Variants in SFRP1 observed in about 807,000 individuals in gnomAD.
SFRP1 encodes the protein secreted frizzled-related protein 1.
Under a neutral mutation model 25.9 loss-of-function variants are expected in SFRP1, and 9 were observed. The observed-to-expected ratio is 0.35, with a 90% confidence interval of 0.21 to 0.61. SFRP1 has a LOEUF of 0.61. Among genes scored for constraint, SFRP1 ranks in the 20% least tolerant of loss-of-function variants. The pLI, the probability that SFRP1 is intolerant of heterozygous loss-of-function variation, is 0.78. For synonymous variants in SFRP1, 178 were observed against 174.0 expected (o/e 1.02, Z -0.18); for missense variants, 346 against 418.2 (o/e 0.83, Z 1.51).
Position 41,262,336 on chromosome 8 carries a change from C to T in SFRP1, c.*2831G>A, listed in dbSNP as rs1345804991. ...GCCTCCTGCATCTATGAAGTTATGA[C>T]ACAGCAACCAGTTACTCAGAGTCTG... On this transcript the variant is annotated 3_prime_UTR_variant, in exon 3 of 3. Coordinates refer to ENST00000220772, the MANE Select transcript of SFRP1 (RefSeq NM_003012.5). The T allele has an allele frequency of 6.6e-6, 1 of 152,158 alleles. No homozygotes were observed. The highest frequency in any genetic ancestry group is 1.5e-5 in the Non-Finnish European group (1 of 68,036). 9.4% of individuals were successfully genotyped at this position (152,158 alleles called of 1,614,324 possible).
chr8:41,267,825 T>C (rs765350870), intron 2 of SFRP1, among the ~76,000 whole-genome samples: 37 of 152,216 alleles, frequency 2.4e-4, no homozygotes, highest in Non-Finnish European at 4.6e-4. Context: ...GCTGACTCTA[T>C]GGTTCCAAAA....
At chr8:41,297,101 G>A (rs1803853188) in intron 2 of SFRP1, among the ~76,000 whole-genome samples, 1 of 152,204 alleles carries the variant, frequency 6.6e-6, no homozygotes, top group Admixed American at 6.5e-5. Context: ...CTGGAGTGCA[G>A]CAGCGCAATC....
In SFRP1 at chr8:41,264,957, C is replaced by T; in HGVS notation, c.*210G>A. On this transcript the variant is annotated 3_prime_UTR_variant, in exon 3 of 3. Transcript: ENST00000220772. ...TAAAAACCTTCCTAATCTAAATGGC[C>T]CTTGCTTTACCCGGCCATGGCTACC... 1.8e-6 allele frequency: 1 copy of T among 548,102 alleles called. No homozygotes were observed. Among genetic ancestry groups the T allele is most frequent in the Non-Finnish European group, 3.2e-6 (1 of 310,610 alleles). The allele number at this position is 548,102 out of a possible 1,614,324, so 34.0% of individuals were successfully genotyped here. A position where few individuals can be genotyped will look rare whatever the true frequency, so the allele number is the denominator to read the frequency against.
At chr8:41,289,241 C>A (rs924116224) in intron 2 of SFRP1, among the ~76,000 whole-genome samples, 1 of 152,158 alleles carries the variant, frequency 6.6e-6, no homozygotes, top group Non-Finnish European at 1.5e-5. Flanking sequence ...ACCAAAACCA[C>A]CTAACTGCAG....
At chr8:41,268,296 C>T (rs1449218160) in intron 2 of SFRP1, among the ~76,000 whole-genome samples, 2 of 152,286 alleles carry the variant, frequency 1.3e-5, no homozygotes, top group African/African-American at 2.4e-5. Context: ...CATGAGGCCA[C>T]AGTTTGTAAG....
At chr8:41,305,690 CAAAGGTTTTGTGTTTATTAATAT>C (rs1803986934) in intron 1 of SFRP1, among the ~76,000 whole-genome samples, 1 of 152,174 alleles carries the variant, frequency 6.6e-6, no homozygotes, top group African/African-American at 2.4e-5. Context: ...ACAAAAAAAG[CAAAGGTTTTGTGTTTATTAATAT>C]TTAAGGGTGT....
Position 41,308,838 on chromosome 8 carries a change from C to T in SFRP1, c.322G>A (p.Gly108Ser). ...AGCGAGCAGAGGAAGACCTGGGTGC[C>T]GGCGTGGCAGTTCTTGTTGAGCAGG... is the stretch of plus-strand genomic sequence containing the variant. ...VPLLNKNCHAGTQVFLCSLFA... is the reference protein window; with the variant it reads ...VPLLNKNCHASTQVFLCSLFA... Residue 108 changes from glycine (G) to serine (S), a missense_variant, in exon 1 of 3, where the codon GGC (glycine) becomes AGC (serine). Gly to Ser is a moderately conservative substitution (Grantham distance 56). Transcript: ENST00000220772. The T allele has an allele frequency of 1.9e-6, 3 of 1,610,014 alleles. No homozygotes were observed. Among genetic ancestry groups the T allele is most frequent in the Non-Finnish European group, 2.5e-6 (3 of 1,179,328 alleles).
chr8:41,288,728 C>T (rs1803740002), intron 2 of SFRP1, among the ~76,000 whole-genome samples: 1 of 152,054 alleles, frequency 6.6e-6, no homozygotes, highest in Admixed American at 6.5e-5. Flanking sequence ...AATTGTGGGG[C>T]AGGAATGAAA....
At position 41,309,251 on chromosome 8, in the gene SFRP1, G is replaced by C; in HGVS notation, c.-92C>G. ...CCGCAAACTTCCAGGGACCTCCGGG[G>C]ACAAAAGGCGCAGTCCCCAGCGTTG... On this transcript the variant is annotated 5_prime_UTR_variant, in exon 1 of 3. Transcript: ENST00000220772. 2.4e-5 allele frequency: 29 copies of C among 1,232,310 alleles called. No individual in the cohort carries two copies. The highest frequency in any genetic ancestry group is 2.8e-5 in the Non-Finnish European group (28 of 987,384). 76.3% of individuals were successfully genotyped at this position (1,232,310 alleles called of 1,614,324 possible).
At chr8:41,267,593 C>T (rs555260483) in intron 2 of SFRP1, among the ~76,000 whole-genome samples, 1 of 152,302 alleles carries the variant, frequency 6.6e-6, no homozygotes, top group Non-Finnish European at 1.5e-5. Flanking sequence ...ATCACAGTGG[C>T]TAACAATTAT....
At chr8:41,307,257 G>C (rs940649105) in intron 1 of SFRP1, among the ~76,000 whole-genome samples, 4 of 152,356 alleles carry the variant, frequency 2.6e-5, no homozygotes, top group South Asian at 2.1e-4. Flanking sequence ...TTGACTCTGA[G>C]AGCAGCGGTG....
At chr8:41,292,326 G>A (rs1010311428) in intron 2 of SFRP1, among the ~76,000 whole-genome samples, 4 of 152,158 alleles carry the variant, frequency 2.6e-5, no homozygotes, top group African/African-American at 9.7e-5. Context: ...GAGAGACCTG[G>A]TGGGAGGTGA....
chr8:41,303,781 A>C (rs1413269474), intron 1 of SFRP1, among the ~76,000 whole-genome samples: 1 of 152,188 alleles, frequency 6.6e-6, no homozygotes, highest in Non-Finnish European at 1.5e-5. Context: ...TATTTAAGCC[A>C]GCATAACCTG....
Position 41,309,358 on chromosome 8 carries a change from G to T in SFRP1, c.-199C>A. On this transcript the variant is annotated 5_prime_UTR_variant, in exon 1 of 3. Coordinates refer to ENST00000220772, the MANE Select transcript of SFRP1 (RefSeq NM_003012.5). Reference sequence around the variant, plus strand: ...GCCTGCGGTCGGAGGCGGCGCGGGCGGGGAGGCGGCGCTGCGGGCTGGGTG... The same window carrying T: ...GCCTGCGGTCGGAGGCGGCGCGGGCTGGGAGGCGGCGCTGCGGGCTGGGTG... The T allele has an allele frequency of 2.3e-6, 1 of 426,708 alleles. No homozygotes were observed. The highest frequency in any genetic ancestry group is 1.0e-4 in the South Asian group (1 of 9,782). 26.4% of individuals were successfully genotyped at this position (426,708 alleles called of 1,614,324 possible).
chr8:41,299,065 G>A (rs1585519813), intron 2 of SFRP1, among the ~76,000 whole-genome samples: 1 of 152,126 alleles, frequency 6.6e-6, no homozygotes, highest in East Asian at 1.9e-4. Context: ...GACAAACACT[G>A]GCTCGGCCTC....
At chr8:41,295,635 C>T (rs949985011) in intron 2 of SFRP1, among the ~76,000 whole-genome samples, 6 of 152,132 alleles carry the variant, frequency 3.9e-5, no homozygotes, top group African/African-American at 1.4e-4. Context: ...CACCCTCTCA[C>T]TTAAATATGC....
intron 2 of SFRP1, among the ~76,000 whole-genome samples, chr8:41,287,362 G>A (rs951632913): frequency 2.6e-5 from 4 of 152,184 alleles, no homozygotes; most frequent in Admixed American, 6.5e-5. Context: ...CTCTGCCATC[G>A]GCCACCATGG....
intron 2 of SFRP1, among the ~76,000 whole-genome samples, chr8:41,301,765 G>A (rs772211906): frequency 5.3e-5 from 8 of 152,222 alleles, no homozygotes; most frequent in African/African-American, 9.6e-5. Flanking sequence ...CAGGGCTAAA[G>A]GAACCCAATC....
At chr8:41,282,079 G>A (rs1803640722) in intron 2 of SFRP1, among the ~76,000 whole-genome samples, 1 of 152,188 alleles carries the variant, frequency 6.6e-6, no homozygotes, top group South Asian at 2.1e-4. Context: ...ATAGGACTGG[G>A]TTGCTAAGGG....
Sources: gnomAD v4.1 joint callset for allele counts (sites outside exome capture counted in the v4.1 genomes callset) on GRCh38, gnomAD v4.1.1 for gene constraint, MANE v1.5 for transcripts, NCBI Gene and HGNC (gene_info 2026-07-23, HGNC 2026-07-21) for gene names.